NBAS: variants seen among roughly 807,000 people sequenced by gnomAD.
NBAS encodes the protein NBAS subunit of NRZ tethering complex, also known as NAG/BC035112 fusion.
Under a neutral mutation model 302.5 loss-of-function variants are expected in NBAS, and 219 were observed. The observed-to-expected ratio is 0.72, with a 90% CI of 0.65 to 0.81. NBAS has a LOEUF of 0.81. NBAS is among the 30% of genes least tolerant of loss of function. The pLI is 0.00. For synonymous variants in NBAS, 1,118 were observed against 1,021.6 expected (o/e 1.09, Z -1.80); for missense variants, 2,932 against 2,841.6 (o/e 1.03, Z -0.72).
At chr2:14,904,064 T>C in the NBAS span, among the ~76,000 whole-genome samples, 6 of 152,238 alleles carry the variant, frequency 3.9e-5, no homozygotes, top group African/African-American at 1.4e-4. Context: ...TTTTGTGTTT[T>C]CACATTTTAT....
At chr2:15,022,779 A>G in the NBAS span, among the ~76,000 whole-genome samples, 1 of 152,122 alleles carries the variant, frequency 6.6e-6, no homozygotes, top group Non-Finnish European at 1.5e-5. Context: ...CTATTTGCAT[A>G]CTATATCCAT....
chr2:15,180,266 G>A (rs999620696), intron 50 of NBAS: 2 of 152,198 alleles, frequency 1.3e-5, no homozygotes, highest in Non-Finnish European at 2.9e-5. Flanking sequence ...GTCTGCTCTT[G>A]AAATCTGCAA....
intron 29 of NBAS, 67 bp downstream of exon 29, chr2:15,383,148 T>C (rs1477587262): frequency 2.3e-6 from 3 of 1,321,416 alleles, no homozygotes; most frequent in South Asian, 1.2e-5. Flanking sequence ...ATCAATCTTG[T>C]ATCCAATAAA....
chr2:15,244,336 C>T (rs1031184991), intron 44 of NBAS, among the ~76,000 whole-genome samples: 1 of 152,052 alleles, frequency 6.6e-6, no homozygotes, highest in East Asian at 1.9e-4. Context: ...CCTCATGTGG[C>T]CCAGGAAGGA....
chr2:15,374,941 G>A (rs1674662180), intron 30 of NBAS, among the ~76,000 whole-genome samples: 1 of 152,256 alleles, frequency 6.6e-6, no homozygotes, highest in Admixed American at 6.5e-5. Context: ...GAAACTCACA[G>A]AAGTGAAGTA....
At chr2:14,996,485 C>T in the NBAS span, among the ~76,000 whole-genome samples, 1 of 152,164 alleles carries the variant, frequency 6.6e-6, no homozygotes, top group Admixed American at 6.5e-5. Context: ...GGTCAAATCC[C>T]CATTCCAAAT....
the NBAS span, among the ~76,000 whole-genome samples, chr2:15,105,397 T>TAAG: frequency 6.6e-6 from 1 of 151,664 alleles, no homozygotes; most frequent in African/African-American, 2.4e-5. Context: ...TTCTAGAACT[T>TAAG]AAAGTATAAT....
At chr2:15,527,978 A>G (rs987363739) in intron 9 of NBAS, among the ~76,000 whole-genome samples, 1 of 152,044 alleles carries the variant, frequency 6.6e-6, no homozygotes, top group African/African-American at 2.4e-5. Flanking sequence ...CCCTTAAAGA[A>G]TAAGCTGCCT....
At chr2:14,857,779 T>A in the NBAS span, among the ~76,000 whole-genome samples, 1 of 152,016 alleles carries the variant, frequency 6.6e-6, no homozygotes, top group Non-Finnish European at 1.5e-5. Context: ...ATTTCTTGAG[T>A]AATACCCACA....
the NBAS span, among the ~76,000 whole-genome samples, chr2:14,902,479 G>A: frequency 2.0e-5 from 3 of 152,180 alleles, no homozygotes; most frequent in Non-Finnish European, 4.4e-5. Flanking sequence ...AGGAAGTAAG[G>A]AGAGAAGGAG....
intron 35 of NBAS, among the ~76,000 whole-genome samples, chr2:15,339,167 G>A (rs1025370973): frequency 5.3e-5 from 8 of 151,506 alleles, no homozygotes; most frequent in African/African-American, 1.7e-4. Flanking sequence ...TTTTTTCCAT[G>A]CCCAATTTTT....
chr2:15,067,386 AGGGGAGGG>A, the NBAS span, among the ~76,000 whole-genome samples: 12 of 54,714 alleles, frequency 2.2e-4, 1 homozygote, highest in Admixed American at 6.3e-4. Flanking sequence ...AGAGGAGAGG[AGGGGAGGG>A]GAGGGGAGGG....
intron 28 of NBAS, among the ~76,000 whole-genome samples, chr2:15,388,242 T>C (rs1412393230): frequency 1.3e-5 from 2 of 152,208 alleles, no homozygotes; most frequent in Non-Finnish European, 2.9e-5. Flanking sequence ...GTTAGATTTA[T>C]TCTTAGGTAT....
the NBAS span, among the ~76,000 whole-genome samples, chr2:15,120,834 C>T: frequency 5.7e-4 from 87 of 152,308 alleles, no homozygotes; most frequent in Non-Finnish European, 1.1e-3. Context: ...CTTTACCACA[C>T]GCGTGGGGTT....
At chr2:15,391,077 T>C (rs1049012108) in intron 28 of NBAS, among the ~76,000 whole-genome samples, 11 of 152,000 alleles carry the variant, frequency 7.2e-5, no homozygotes, top group Admixed American at 6.5e-4. Flanking sequence ...ACCACTGCAC[T>C]CTAGCCTGGG....
chr2:15,499,547 G>A (rs377542008), intron 11 of NBAS, among the ~76,000 whole-genome samples: 130 of 152,270 alleles, frequency 8.5e-4, no homozygotes, highest in African/African-American at 3.1e-3. Context: ...TTACTTATAA[G>A]TAGGAGCTAA....
chr2:15,443,306 G>C lies in NBAS; in HGVS notation c.2340-15512C>G, dbSNP rs1444883261. On this transcript the variant is annotated intron_variant, in intron 21 of 51. Coordinates refer to ENST00000281513, the MANE Select transcript of NBAS (RefSeq NM_015909.4). ...GCACATCAAAAAGCTTATCCACCAT[G>C]ATCAAGTGGGCTTCATCCCTGGGAT... Among the ~76,000 whole-genome samples, 9 of 150,584 alleles carry C rather than the reference G, an allele frequency of 6.0e-5. No homozygotes were observed. The East Asian group carries it at 1.8e-3, about 30-fold the overall frequency.
chr2:15,538,277 G>A, intron 7 of NBAS: 1 of 381,582 alleles, frequency 2.6e-6, no homozygotes, highest in South Asian at 2.2e-5. Flanking sequence ...CTTTTAGCCA[G>A]AAATAGTCTA....
At chr2:15,181,482 T>G (rs1664817217) in intron 50 of NBAS, among the ~76,000 whole-genome samples, 1 of 152,214 alleles carries the variant, frequency 6.6e-6, no homozygotes, top group South Asian at 2.1e-4. Context: ...CCCCCTGTGT[T>G]GCAAGAGAAC....
Sources: allele counts gnomAD v4.1 joint callset (sites outside exome capture counted in the v4.1 genomes callset), GRCh38; gene constraint gnomAD v4.1.1; transcripts MANE v1.5; gene names NCBI Gene and HGNC (gene_info 2026-07-23, HGNC 2026-07-21).